The following HERC4 variants were observed in gnomAD, a reference collection of about 807,000 sequenced individuals.
HERC4 encodes the protein probable E3 ubiquitin-protein ligase HERC4.
In HERC4, 28 loss-of-function variants were observed where a neutral mutation model predicts 124.3. The ratio of observed to expected loss-of-function variants is 0.23; its 90% CI spans 0.17 to 0.31. The LOEUF (loss-of-function observed/expected upper bound fraction) is 0.31, where lower values mean the gene tolerates loss of function less well. Ranked by LOEUF, HERC4 falls within the 10% of genes least tolerant of loss-of-function variation. The pLI is 1.00. For synonymous variants in HERC4, 407 were observed against 421.5 expected, an observed-to-expected ratio of 0.97 and a Z score of 0.42; for missense variants, 713 against 1,229.3, an observed-to-expected ratio of 0.58 and a Z score of 6.28.
intron 8 of HERC4, among the ~76,000 whole-genome samples, chr10:68,022,389 C>T (rs1403764671): frequency 2.0e-5 from 3 of 152,212 alleles, no homozygotes; most frequent in East Asian, 3.9e-4. Context: ...ATCCCAGTCA[C>T]TTGGGAAACT....
At chr10:67,939,900 C>G (rs1404110454) in intron 20 of HERC4, among the ~76,000 whole-genome samples, 1 of 151,980 alleles carries the variant, frequency 6.6e-6, no homozygotes, top group Non-Finnish European at 1.5e-5. Flanking sequence ...ATGTATCCAA[C>G]TATTTTCAAC....
chr10:68,015,403 A>G (rs2038202018), intron 8 of HERC4, among the ~76,000 whole-genome samples: 2 of 152,210 alleles, frequency 1.3e-5, no homozygotes, highest in Admixed American at 1.3e-4. Context: ...TTAGCTAAAT[A>G]ATTATTTTAG....
At chr10:68,073,926 T>A (rs1337519875) in intron 1 of HERC4, 1 of 152,158 alleles carries the variant, frequency 6.6e-6, no homozygotes, top group Non-Finnish European at 1.5e-5. Flanking sequence ...GCAATTTAAA[T>A]ATCAATTCTC....
intron 11 of HERC4, among the ~76,000 whole-genome samples, chr10:67,991,440 A>G (rs568892871): frequency 9.2e-5 from 14 of 152,264 alleles, no homozygotes; most frequent in Admixed American, 6.5e-4. Context: ...CATTTATCCA[A>G]TGTTATCTGC....
At position 67,937,579 on chromosome 10, in the gene HERC4, C is replaced by T. The variant is rs909185373; in HGVS notation, c.2572-1344G>A. 5.9e-5 allele frequency among the ~76,000 whole-genome samples: 9 copies of T among 151,310 alleles called. No homozygotes were observed. The South Asian group carries it at 1.0e-3, about 17-fold the overall frequency. ...AAAGAACCAAAATTTCATAGAAAAT[C>T]GTTTTTGTTTTTGTTTTTTTTAATT... On this transcript the variant is annotated intron_variant, in intron 21 of 24. Transcript: ENST00000373700.
At chr10:67,950,504 G>C (rs924584616) in intron 19 of HERC4, among the ~76,000 whole-genome samples, 3 of 152,094 alleles carry the variant, frequency 2.0e-5, no homozygotes, top group African/African-American at 7.2e-5. Flanking sequence ...TTGAACTCCT[G>C]ACCTCAGGTG....
chr10:67,938,135 G>A (rs1421758827), intron 21 of HERC4, among the ~76,000 whole-genome samples: 3 of 151,496 alleles, frequency 2.0e-5, no homozygotes, highest in African/African-American at 7.3e-5. Flanking sequence ...AAATATACAA[G>A]CAAAAAATTT....
At chr10:67,959,136 C>T in intron 16 of HERC4, 1 of 1,594,256 alleles carries the variant, frequency 6.3e-7, no homozygotes, top group Non-Finnish European at 8.5e-7. Context: ...TGGTTGACAT[C>T]CTAAGACAGC....
chr10:67,974,270 G>A (rs1360837020), intron 15 of HERC4, among the ~76,000 whole-genome samples: 1 of 152,016 alleles, frequency 6.6e-6, no homozygotes, highest in East Asian at 1.9e-4. Flanking sequence ...AGTAGGTAAG[G>A]GAGAGGTAGA....
intron 3 of HERC4, among the ~76,000 whole-genome samples, chr10:68,059,902 TTA>T (rs542966759): frequency 1.3e-4 from 10 of 77,696 alleles, no homozygotes; most frequent in South Asian, 3.9e-4. Flanking sequence ...ATATTATATA[TTA>T]TATAATATTA....
chr10:67,991,254 C>T (rs2036535890), intron 11 of HERC4, 55 bp from the exon 12 acceptor site: 1 of 1,022,722 alleles, frequency 9.8e-7, no homozygotes, highest in Non-Finnish European at 1.4e-6. Context: ...TAATTGTTTA[C>T]CCTTTCTTAA....
At chr10:67,942,212 G>T (rs2032972784) in intron 19 of HERC4, among the ~76,000 whole-genome samples, 1 of 152,132 alleles carries the variant, frequency 6.6e-6, no homozygotes, top group Non-Finnish European at 1.5e-5. Context: ...TAGCCTCTGT[G>T]TTTTCAAAGA....
chr10:67,940,512 T>C (rs567402525), intron 20 of HERC4, among the ~76,000 whole-genome samples: 113 of 152,134 alleles, frequency 7.4e-4, no homozygotes, highest in African/African-American at 2.6e-3. Context: ...CTCCGCCTCC[T>C]GGGTTCAAGC....
chr10:68,065,327 A>G (rs1037579675), intron 3 of HERC4, among the ~76,000 whole-genome samples: 12 of 152,204 alleles, frequency 7.9e-5, no homozygotes, highest in Admixed American at 7.9e-4. Context: ...TCAGAATAGT[A>G]TAACACCTAG....
intron 4 of HERC4, 91 bp downstream of exon 4, chr10:68,044,313 T>A: frequency 7.9e-7 from 1 of 1,263,978 alleles, no homozygotes; most frequent in Non-Finnish European, 1.1e-6. Context: ...AGATGTCAAC[T>A]CTTACAGGCC....
intron 9 of HERC4, among the ~76,000 whole-genome samples, chr10:68,007,431 G>T (rs933060440): frequency 2.6e-5 from 4 of 152,034 alleles, no homozygotes; most frequent in African/African-American, 9.7e-5. Context: ...AAGTCACATG[G>T]CTTTGTCTCT....
intron 22 of HERC4, among the ~76,000 whole-genome samples, chr10:67,933,956 C>T (rs1317367487): frequency 2.0e-5 from 3 of 152,182 alleles, no homozygotes; most frequent in African/African-American, 7.2e-5. Flanking sequence ...TCCCTGGCAA[C>T]AGCCACTATT....
intron 16 of HERC4, among the ~76,000 whole-genome samples, chr10:67,963,163 T>C (rs571285561): frequency 7.9e-4 from 120 of 152,332 alleles, no homozygotes; most frequent in Non-Finnish European, 1.5e-3. Context: ...TTCTTCATCA[T>C]TACAACATTC....
At chr10:67,945,013 A>G (rs1256759735) in intron 19 of HERC4, among the ~76,000 whole-genome samples, 1 of 152,222 alleles carries the variant, frequency 6.6e-6, no homozygotes, top group Non-Finnish European at 1.5e-5. Context: ...GGGGGTAGAG[A>G]AAGAAATGGG....
Sources: allele counts gnomAD v4.1 joint callset (sites outside exome capture counted in the v4.1 genomes callset), GRCh38; gene constraint gnomAD v4.1.1; transcripts MANE v1.5; gene names NCBI Gene and HGNC (gene_info 2026-07-23, HGNC 2026-07-21).